MDN1: variants seen among roughly 807,000 people sequenced by gnomAD.
MDN1 encodes midasin.
In MDN1, 266 loss-of-function variants were observed where a neutral mutation model predicts 669.2. That is an observed-to-expected ratio of 0.40 (90% CI 0.36 to 0.44). The LOEUF (loss-of-function observed/expected upper bound fraction) is 0.44, where lower values mean the gene tolerates loss of function less well. Among genes scored for constraint, MDN1 ranks in the 20% least tolerant of loss-of-function variants. The probability of loss-of-function intolerance (pLI) is 1.00; values close to 1 mark genes in which losing one functional copy is unlikely to be tolerated. For missense variants in MDN1, 5,940 were observed against 6,754.0 expected (o/e 0.88, Z 4.22); for synonymous variants, 2,385 against 2,457.1 (o/e 0.97, Z 0.87).
chr6:89,794,536 T>C (rs1819467433), intron 3 of MDN1, 41 bp downstream of exon 3: 1 of 1,562,646 alleles, frequency 6.4e-7, no homozygotes, highest in East Asian at 2.2e-5. Context: ...CCCTGTACCA[T>C]CCCCACACTA....
At chr6:89,778,135 T>C (rs1239654085) in intron 11 of MDN1, among the ~76,000 whole-genome samples, 1 of 152,084 alleles carries the variant, frequency 6.6e-6, no homozygotes, top group African/African-American at 2.4e-5. Context: ...AAAAGTATTT[T>C]ATATTTTTGT....
In MDN1 at chr6:89,745,660, T is replaced by C. The variant is rs771803765; in HGVS notation, c.3905-34A>G. The stretch of plus-strand genomic sequence containing the variant: ...AGGAGGAGGAAAAGGAGGAGAGGAA[T>C]CATCAAGTGTCTACCGGGAACACCA... On this transcript the variant is annotated intron_variant, in intron 27 of 101. Transcript: ENST00000369393. 88 of 1,595,938 alleles carry C rather than the reference T, an allele frequency of 5.5e-5. No homozygotes were observed. The South Asian group carries it at 9.4e-4, about 17-fold the overall frequency.
chr6:89,708,459 G>C, intron 51 of MDN1, 37 bp downstream of exon 51: 1 of 1,606,714 alleles, frequency 6.2e-7, no homozygotes, highest in Non-Finnish European at 8.5e-7. Context: ...AGAAGCCAGT[G>C]AGGCAAACAG....
Position 89,713,180 on chromosome 6 carries a change from C to T in MDN1, c.7186G>A (p.Val2396Ile), listed in dbSNP as rs1232850913. 6.2e-7 allele frequency: 1 copy of T among 1,614,058 alleles called. No homozygotes were observed. The highest frequency in any genetic ancestry group is 1.1e-5 in the South Asian group (1 of 91,070). ...AFSEACWEVY[V>I]CSQHSPANRK... ...TTTGCTGGTGAATGCTGGGAACAGA[C>T]ATATACTTCCCAGCATGCTTCAGAA... Residue 2396 changes from valine (V) to isoleucine (I), a missense_variant, in exon 47 of 102, where the codon GTC becomes ATC. Val to Ile is a conservative substitution (Grantham distance 29, BLOSUM62 3). Around this residue, in one of 5 missense-constraint regions of MDN1, gnomAD observed 2,292 missense variants for 2,638.3 expected, o/e 0.87. Coordinates refer to ENST00000369393, the MANE Select transcript of MDN1 (RefSeq NM_014611.3).
At chr6:89,796,342 A>AC (rs67981702) in intron 2 of MDN1, among the ~76,000 whole-genome samples, 19 of 87,080 alleles carry the variant, frequency 2.2e-4, no homozygotes, top group African/African-American at 7.2e-4. Context: ...AAAAAAAAAA[A>AC]AAAAAAAACA....
chr6:89,815,528 T>C (rs532411383), intron 1 of MDN1: 1 of 244,668 alleles, frequency 4.1e-6, no homozygotes, highest in African/African-American at 2.3e-5. Flanking sequence ...AAGACCTGAC[T>C]AGCAAGGAGC....
intron 76 of MDN1, 41 bp from the exon 77 acceptor site, chr6:89,676,248 G>T: frequency 6.4e-7 from 1 of 1,551,264 alleles, no homozygotes; most frequent in Non-Finnish European, 8.9e-7. Context: ...TTAAAACCAC[G>T]CTCTCCCACC....
intron 64 of MDN1, 38 bp downstream of exon 64, chr6:89,690,635 A>G: frequency 6.2e-7 from 1 of 1,611,146 alleles, no homozygotes; most frequent in Non-Finnish European, 8.5e-7. Context: ...GCATCAAGGG[A>G]ATTCATTCCA....
chr6:89,755,048 T>C (rs1476738802), intron 20 of MDN1, among the ~76,000 whole-genome samples: 1 of 151,192 alleles, frequency 6.6e-6, no homozygotes, highest in Admixed American at 6.6e-5. Flanking sequence ...TATAAGTGCC[T>C]AATTTTATCC....
chr6:89,737,721 TA>T lies in MDN1; in HGVS notation c.4723+604del, dbSNP rs1175766509. On this transcript the variant is annotated intron_variant, in intron 33 of 101. Transcript: ENST00000369393. ...GGAGTACAATGGTGCAATCCCAGCC[TA>T]ATTTTTTTTTTTTTTTTTTGAGATG... is the stretch of plus-strand genomic sequence containing the variant. Among the ~76,000 whole-genome samples the T allele has an allele frequency of 1.3e-4, 14 of 104,452 alleles. No homozygotes were observed. In the South Asian group the frequency reaches 4.8e-3, roughly 35 times the overall value. 68.5% of individuals were successfully genotyped at this position (104,452 alleles called of 152,430 possible).
chr6:89,685,132 G>T (rs906965511), intron 70 of MDN1, 147 bp from the exon 71 acceptor site: 1 of 557,418 alleles, frequency 1.8e-6, no homozygotes, highest in Admixed American at 3.2e-5. Flanking sequence ...GCATTATTTA[G>T]GGATCCTGTC....
intron 1 of MDN1, among the ~76,000 whole-genome samples, chr6:89,813,546 T>A (rs1401512740): frequency 1.5e-5 from 2 of 130,790 alleles, no homozygotes; most frequent in Admixed American, 1.6e-4. Flanking sequence ...GCAGACTCTG[T>A]CTCAAAAAAA....
intron 29 of MDN1, 134 bp downstream of exon 29, chr6:89,745,134 TAAAAA>T (rs60588845): frequency 8.1e-5 from 23 of 282,990 alleles, no homozygotes; most frequent in South Asian, 3.1e-4. Context: ...AGTCTCTTCT[TAAAAA>T]AAAAAAAAAA....
At chr6:89,733,623 T>G (rs1815738091) in intron 33 of MDN1, among the ~76,000 whole-genome samples, 1 of 146,572 alleles carries the variant, frequency 6.8e-6, no homozygotes, top group Non-Finnish European at 1.5e-5. Flanking sequence ...GTTGGAAGAA[T>G]ACTGATTACA....
intron 76 of MDN1, among the ~76,000 whole-genome samples, chr6:89,677,016 C>CAAAAAAAAAAAAAAAAAAAAGGAA (rs577064668): frequency 1.2e-5 from 1 of 80,240 alleles, no homozygotes; most frequent in Non-Finnish European, 2.4e-5. Context: ...AATCAAAAGG[C>CAAAAAAAAAAAAAAAAAAAAGGAA]AAAAAAAAAA....
At chr6:89,790,005 G>A (rs572887371) in intron 6 of MDN1, 94 bp from the exon 7 acceptor site, 6 of 1,580,174 alleles carry the variant, frequency 3.8e-6, no homozygotes, top group Non-Finnish European at 5.2e-6. Flanking sequence ...ATAGGTAGGT[G>A]TAAGTAAGTA....
At chr6:89,679,431 G>A (rs1811450064) in intron 74 of MDN1, among the ~76,000 whole-genome samples, 1 of 152,114 alleles carries the variant, frequency 6.6e-6, no homozygotes, top group African/African-American at 2.4e-5. Flanking sequence ...TTATAGGCTG[G>A]GTTGTGTCTT....
At position 89,715,848 on chromosome 6, in the gene MDN1, A is replaced by C. The variant is rs9362673; in HGVS notation, c.6744-79T>G. On this transcript the variant is annotated intron_variant, in intron 44 of 101. Transcript: ENST00000369393. Reference sequence around the variant, plus strand: ...CTTTCCTTCCATGCACGGGGCTCCAAATGCTTTTGACTCACATTTCCTTTC... The same window carrying C: ...CTTTCCTTCCATGCACGGGGCTCCACATGCTTTTGACTCACATTTCCTTTC... 589 of 911,510 alleles carry C rather than the reference A, an allele frequency of 6.5e-4. 2 individuals carry two copies. The East Asian group carries it at 0.013, about 20-fold the overall frequency. The allele number at this position is 911,510 out of a possible 1,614,324, so 56.5% of individuals were successfully genotyped here.
chr6:89,712,521 CA>C (rs1227599015), intron 48 of MDN1, 53 bp downstream of exon 48: 1 of 1,547,442 alleles, frequency 6.5e-7, no homozygotes, highest in Non-Finnish European at 8.9e-7. Flanking sequence ...CCATTTCCAG[CA>C]AAAATAAAAA....
Sources: allele counts gnomAD v4.1 joint callset (sites outside exome capture counted in the v4.1 genomes callset), GRCh38; gene constraint gnomAD v4.1.1; regional missense constraint gnomAD v4.1.1; transcripts MANE v1.5; gene names NCBI Gene and HGNC (gene_info 2026-07-23, HGNC 2026-07-21).